Variants in FDXR observed in about 807,000 individuals in gnomAD.
FDXR encodes ferredoxin reductase.
A neutral mutation model predicts 58.3 loss-of-function variants in FDXR; 38 were observed. The observed-to-expected ratio is 0.65, with a 90% CI of 0.50 to 0.85. The LOEUF (loss-of-function observed/expected upper bound fraction) is 0.85, where lower values mean the gene tolerates loss of function less well. Among genes scored for constraint, FDXR ranks in the 40% least tolerant of loss-of-function variants. FDXR has a pLI of 0.00. For missense variants in FDXR, 624 were observed against 671.0 expected, an observed-to-expected ratio of 0.93 and a Z score of 0.77; for synonymous variants, 275 against 273.8, an observed-to-expected ratio of 1.00 and a Z score of -0.04.
Position 74,866,498 on chromosome 17 carries a change from C to A in FDXR, c.341G>T (p.Gly114Val). The change falls in exon 4 of 12, where the codon GGC (glycine) becomes GTC (valine). Residue 114 changes from glycine to valine, a missense_variant. Coordinates refer to ENST00000293195, the MANE Select transcript of FDXR (RefSeq NM_024417.5). ...RCAFWGNVEV[G>V]RDVTVPELQE... ...CAGCTCCGGCACCGTCACGTCCCTG[C>A]CCACCTCCACGTTGCCCCAGAAGGC... 1 of 1,613,702 alleles carries A rather than the reference C, an allele frequency of 6.2e-7. No homozygotes were observed. Among genetic ancestry groups the A allele is most frequent in the Non-Finnish European group, 8.5e-7 (1 of 1,179,934 alleles).
intron 2 of FDXR, 133 bp downstream of exon 2, chr17:74,871,903 G>A (rs770040273): frequency 8.4e-6 from 5 of 594,878 alleles, no homozygotes; most frequent in Non-Finnish European, 1.4e-5. Flanking sequence ...CAAGTGGGAA[G>A]TGTCCAGGCC....
intron 2 of FDXR, 98 bp downstream of exon 2, chr17:74,871,938 T>C (rs983098788): frequency 2.3e-6 from 2 of 866,580 alleles, no homozygotes; most frequent in African/African-American, 3.4e-5. Context: ...CCCTTCCCCA[T>C]AAGGCAACCA....
Position 74,865,813 on chromosome 17 carries a change from G to A in FDXR, c.515C>T (p.Pro172Leu), listed in dbSNP as rs113447293. The stretch of plus-strand genomic sequence containing the variant: ...CACGGCTGTGTCACAGCTCAGGTCT[G>A]GCTCCAGCTGGAGGGGAAAGGTCTT... ...NGLPENQELE[P>L]DLSCDTAVIL... Residue 172 changes from proline to leucine, a missense_variant, in exon 6 of 12, where the codon CCA becomes CTA. Transcript: ENST00000293195. The A allele has an allele frequency of 7.4e-6, 12 of 1,612,826 alleles. No individual in the cohort carries two copies. The highest frequency in any genetic ancestry group is 5.3e-5 in the African/African-American group (4 of 75,018).
chr17:74,865,002 TC>T, intron 6 of FDXR, 71 bp from the exon 7 acceptor site: 1 of 1,604,756 alleles, frequency 6.2e-7, no homozygotes, highest in Non-Finnish European at 8.5e-7. Context: ...TTTGGTCATG[TC>T]CCCACCGTGG....
intron 6 of FDXR, among the ~76,000 whole-genome samples, chr17:74,865,483 G>A (rs965428897): frequency 3.6e-4 from 54 of 152,044 alleles, no homozygotes; most frequent in African/African-American, 1.3e-3. Context: ...AGGGGATGTG[G>A]CTTACTGAAG....
intron 2 of FDXR, among the ~76,000 whole-genome samples, chr17:74,870,602 TG>T (rs1177232305): frequency 3.4e-4 from 51 of 148,446 alleles, no homozygotes; most frequent in African/African-American, 1.3e-3. Context: ...AAAAAAAAAC[TG>T]TCCCTTATAC....
At chr17:74,867,007 T>C (rs766064917) in intron 2 of FDXR, 131 bp from the exon 3 acceptor site, 2 of 1,487,272 alleles carry the variant, frequency 1.3e-6, no homozygotes, top group Non-Finnish European at 1.8e-6. Context: ...TTCCACCCTC[T>C]GCAAGGAAAA....
intron 4 of FDXR, 82 bp downstream of exon 4, chr17:74,866,364 C>T: frequency 6.3e-7 from 1 of 1,582,494 alleles, no homozygotes; most frequent in Non-Finnish European, 8.6e-7. Context: ...ATCCTGGCCT[C>T]ACCCCTGCTG....
At chr17:74,868,265 T>C in intron 2 of FDXR, 1 of 567,332 alleles carries the variant, frequency 1.8e-6, no homozygotes, top group Non-Finnish European at 3.2e-6. Flanking sequence ...CAGGTAGCCT[T>C]GGATGCCAGT....
rs1041411902 is a variant in FDXR at position 74,864,085 on chromosome 17, G to A, written c.1003-18C>T. 6.2e-7 allele frequency: 1 copy of A among 1,613,634 alleles called. No homozygotes were observed. ...TCGACACCCTGTTGGGGAGAGTGTG[G>A]GCAACACCAGGCGGGTGGCAGAGGC... On this transcript the variant is annotated intron_variant, in intron 9 of 11. Coordinates refer to ENST00000293195, the MANE Select transcript of FDXR (RefSeq NM_024417.5).
chr17:74,862,828 G>A lies in FDXR; in HGVS notation c.1465C>T (p.Leu489=), dbSNP rs1241113570. ...GGCTGGGGCTGGGCTCAGTGGCCCA[G>A]GAGGCGCAGCATCTCCTGAGGATCC... The part of the protein sequence containing the change: ...LVDPQEMLRL[L]GH The change falls in exon 12 of 12, where the codon CTG becomes TTG. Residue 489 remains leucine (L), a synonymous_variant. Transcript: ENST00000293195. 1 of 1,610,742 alleles carries A rather than the reference G, an allele frequency of 6.2e-7. No individual in the cohort carries two copies.
rs150643916 is a variant in FDXR, at chr17:74,865,846, T to A, written c.508-26A>T. ...CTGGAGGGGAAAGGTCTTGATAGGG[T>A]CCCCCAGCCTCGCTCCACTCAGTTC... On this transcript the variant is annotated intron_variant, in intron 5 of 11. Transcript: ENST00000293195. The A allele has an allele frequency of 4.2e-4, 647 of 1,553,012 alleles. 7 individuals are homozygous for A. In the East Asian group the frequency reaches 0.013, roughly 31 times the overall value.
chr17:74,870,039 C>T, intron 2 of FDXR: 1 of 433,868 alleles, frequency 2.3e-6, no homozygotes, highest in Non-Finnish European at 4.8e-6. Context: ...AAGCTAAGGG[C>T]CACTGTCCCA....
chr17:74,872,366 C>T, intron 1 of FDXR: 4 of 1,138,260 alleles, frequency 3.5e-6, no homozygotes, highest in Non-Finnish European at 5.0e-6. Flanking sequence ...TACTACACCA[C>T]TGCCAATGGC....
At chr17:74,872,245 G>C (rs1465804857) in intron 1 of FDXR, 112 bp from the exon 2 acceptor site, 1 of 1,542,938 alleles carries the variant, frequency 6.5e-7, no homozygotes, top group East Asian at 2.4e-5. Context: ...ACCCTCACCT[G>C]CATCCTCCTT....
intron 6 of FDXR, 64 bp downstream of exon 6, chr17:74,865,655 C>CAAGG: frequency 8.7e-7 from 1 of 1,146,282 alleles, no homozygotes; most frequent in Non-Finnish European, 1.3e-6. Context: ...ACCCTGCAGA[C>CAAGG]AAGGGCACTC....
At chr17:74,871,366 C>G (rs1412180625) in intron 2 of FDXR, among the ~76,000 whole-genome samples, 1 of 152,240 alleles carries the variant, frequency 6.6e-6, no homozygotes, top group African/African-American at 2.4e-5. Flanking sequence ...TCTCTTGTCT[C>G]TCCACGGACA....
At chr17:74,864,635 G>T in intron 7 of FDXR, 71 bp from the exon 8 acceptor site, 1 of 1,495,776 alleles carries the variant, frequency 6.7e-7, no homozygotes, top group Non-Finnish European at 9.2e-7. Context: ...CCCACCCCAG[G>T]GTCCAGCCCA....
intron 2 of FDXR, 145 bp downstream of exon 2, chr17:74,871,891 A>C: frequency 1.8e-6 from 1 of 564,266 alleles, no homozygotes. Context: ...TAGGTGAGGA[A>C]GCAAGTGGGA....
Sources: gnomAD v4.1 joint callset for allele counts (sites outside exome capture counted in the v4.1 genomes callset) on GRCh38, gnomAD v4.1.1 for gene constraint, MANE v1.5 for transcripts, NCBI Gene and HGNC (gene_info 2026-07-23, HGNC 2026-07-21) for gene names.